The following CFAP43 variants were observed in gnomAD, a reference collection of about 807,000 sequenced individuals.
CFAP43 encodes cilia- and flagella-associated protein 43.
In CFAP43, 155 loss-of-function variants were observed where a neutral mutation model predicts 218.9. That is an observed-to-expected ratio of 0.71 (90% CI 0.62 to 0.81). The LOEUF (loss-of-function observed/expected upper bound fraction) is 0.81. CFAP43 is among the 30% of genes least tolerant of loss of function. CFAP43 has a pLI of 0.00. For synonymous variants in CFAP43, 645 were observed against 681.3 expected, an observed-to-expected ratio of 0.95 and a Z score of 0.83; for missense variants, 1,778 against 1,954.3, an observed-to-expected ratio of 0.91 and a Z score of 1.70.
Position 104,190,006 on chromosome 10 carries a change from C to T in CFAP43, c.1547-1596G>A, listed in dbSNP as rs570433636. On this transcript the variant is annotated intron_variant, in intron 12 of 37. Coordinates refer to ENST00000357060, the MANE Select transcript of CFAP43 (RefSeq NM_025145.7). ...CATGGTGAAACCCCGTTTCTACTAA[C>T]AAATACAAAAAATTAGCCTGGCGCG... is the stretch of plus-strand genomic sequence containing the variant. Among the ~76,000 whole-genome samples, 29 of 151,956 alleles carry T rather than the reference C, an allele frequency of 1.9e-4. No homozygotes were observed. In the South Asian group the frequency reaches 5.6e-3, roughly 29 times the overall value.
In CFAP43 at chr10:104,217,530, G is replaced by A. The variant is rs145379716; in HGVS notation, c.417-3104C>T. On this transcript the variant is annotated intron_variant, in intron 3 of 37. Transcript: ENST00000357060. The stretch of plus-strand genomic sequence containing the variant: ...TCGCATGCTACATAGGACCCACTCC[G>A]GCACCCATGTCTTTGCTAGTAGAGC... 3.0e-3 allele frequency among the ~76,000 whole-genome samples: 454 copies of A among 152,202 alleles called. 1 individual carries two copies. Among genetic ancestry groups the A allele is most frequent in the Non-Finnish European group, 4.4e-3 (302 of 68,010 alleles).
chr10:104,222,065 T>C (rs1361587294), intron 3 of CFAP43, among the ~76,000 whole-genome samples: 1 of 152,242 alleles, frequency 6.6e-6, no homozygotes, highest in Non-Finnish European at 1.5e-5. Flanking sequence ...GAATCCATTC[T>C]GCTCTTTTAA....
At chr10:104,190,037 G>A (rs996454930) in intron 12 of CFAP43, among the ~76,000 whole-genome samples, 7 of 151,672 alleles carry the variant, frequency 4.6e-5, no homozygotes, top group South Asian at 2.1e-4. Context: ...GCGCGGTGGC[G>A]GGCGCCTGTA....
intron 17 of CFAP43, among the ~76,000 whole-genome samples, chr10:104,182,081 C>T (rs1475707897): frequency 6.6e-6 from 1 of 152,166 alleles, no homozygotes; most frequent in African/African-American, 2.4e-5. Context: ...TATAGAGAGA[C>T]CATTTTGACC....
chr10:104,216,603 T>C (rs969592185), intron 3 of CFAP43, among the ~76,000 whole-genome samples: 28 of 152,148 alleles, frequency 1.8e-4, no homozygotes, highest in African/African-American at 6.5e-4. Context: ...CTTCAATCGA[T>C]GGGATACAGG....
At chr10:104,141,410 G>A (rs777547176) in intron 33 of CFAP43, among the ~76,000 whole-genome samples, 2 of 152,154 alleles carry the variant, frequency 1.3e-5, no homozygotes, top group Non-Finnish European at 2.9e-5. Context: ...TCAGGAGTTC[G>A]AGACTAGCCT....
rs576723399 is a variant in CFAP43, at chr10:104,163,798, A to G, written c.3246+296T>C. Among the ~76,000 whole-genome samples the G allele has an allele frequency of 1.7e-4, 26 of 152,354 alleles. No homozygotes were observed. The Middle Eastern group carries it at 0.01, about 60-fold the overall frequency. On this transcript the variant is annotated intron_variant, in intron 24 of 37. Transcript: ENST00000357060. ...AGTAGAAATTGCTAGAGGAAGTAGA[A>G]ATGCAGAGTGATGTGAACTAAGAGA...
chr10:104,137,141 T>C (rs2087490250), intron 34 of CFAP43, among the ~76,000 whole-genome samples: 1 of 152,208 alleles, frequency 6.6e-6, no homozygotes, highest in Non-Finnish European at 1.5e-5. Context: ...CCCAGAGAAC[T>C]GAAAACAGGT....
intron 3 of CFAP43, among the ~76,000 whole-genome samples, chr10:104,219,886 C>G (rs2091129970): frequency 6.6e-6 from 1 of 152,184 alleles, no homozygotes; most frequent in South Asian, 2.1e-4. Flanking sequence ...CTTCTCGTCA[C>G]AAGGCTGATT....
At chr10:104,168,307 T>C (rs914631324) in intron 21 of CFAP43, among the ~76,000 whole-genome samples, 2 of 152,170 alleles carry the variant, frequency 1.3e-5, no homozygotes, top group Non-Finnish European at 2.9e-5. Context: ...AGACAAGACC[T>C]GAGACTTTTG....
intron 20 of CFAP43, among the ~76,000 whole-genome samples, chr10:104,170,505 G>C (rs1352366895): frequency 6.6e-6 from 1 of 152,124 alleles, no homozygotes; most frequent in Admixed American, 6.5e-5. Flanking sequence ...ACATTGCTGA[G>C]TGGTCAAGAT....
At chr10:104,211,902 C>T in intron 5 of CFAP43, 105 bp downstream of exon 5, 2 of 1,303,038 alleles carry the variant, frequency 1.5e-6, no homozygotes, top group Non-Finnish European at 2.1e-6. Context: ...CAAGATGATC[C>T]TCTGTATCCT....
intron 28 of CFAP43, among the ~76,000 whole-genome samples, chr10:104,149,680 T>G (rs1201281760): frequency 2.0e-5 from 3 of 152,238 alleles, no homozygotes; most frequent in African/African-American, 7.2e-5. Flanking sequence ...TCCTGAATTA[T>G]TTTGATATTA....
chr10:104,225,099 C>CTAT (rs773336525), intron 3 of CFAP43, among the ~76,000 whole-genome samples: 115 of 152,222 alleles, frequency 7.6e-4, no homozygotes, highest in Non-Finnish European at 4.4e-4. Flanking sequence ...AAACTGAACT[C>CTAT]TAATATAGAG....
chr10:104,131,546 T>C (rs1371683763), intron 36 of CFAP43, 62 bp from the exon 37 acceptor site: 1 of 1,496,334 alleles, frequency 6.7e-7, no homozygotes, highest in Non-Finnish European at 9.0e-7. Flanking sequence ...ATTTATCCTA[T>C]AAAGACATTA....
intron 8 of CFAP43, among the ~76,000 whole-genome samples, chr10:104,202,252 T>C (rs1435608716): frequency 1.3e-5 from 2 of 152,254 alleles, no homozygotes; most frequent in African/African-American, 4.8e-5. Context: ...AAGTCAGCTA[T>C]TAGTCTAACT....
chr10:104,167,826 A>T (rs2089239334), intron 21 of CFAP43, 89 bp from the exon 22 acceptor site: 4 of 903,426 alleles, frequency 4.4e-6, no homozygotes, highest in Non-Finnish European at 6.7e-6. Context: ...TTCTGTGATT[A>T]AAATTAACCC....
At position 104,168,845 on chromosome 10, in the gene CFAP43, T is replaced by A; in HGVS notation, c.2590A>T (p.Ile864Leu). 1.2e-6 allele frequency: 2 copies of A among 1,608,650 alleles called. No homozygotes were observed. The highest frequency in any genetic ancestry group is 1.7e-6 in the Non-Finnish European group (2 of 1,175,686). ...DESQEEVAKM[I>L]KDVEMHNLAK... ...AAGTTATGCATCTCTACATCCTTTA[T>A]CATCTTGAAGAACACAGACAAAGGG... The change falls in exon 21 of 38, where the codon ATA becomes TTA. Residue 864 changes from isoleucine to leucine, a missense_variant. Transcript: ENST00000357060.
In CFAP43 at chr10:104,185,089, TCATTGACTGAATCC is replaced by T; in HGVS notation, c.2054_2067del (p.Gly685GlufsTer16). On this transcript the variant is annotated frameshift_variant, in exon 16 of 38. Transcript: ENST00000357060. LOFTEE classifies it high-confidence loss of function. ...ATGTTTTGTCCATCCATTGAAATTC[TCATTGACTGAATCC>T]CATGACCCTGGTGAGAATGACTCCG... The T allele has an allele frequency of 6.2e-7, 1 of 1,614,204 alleles. No individual in the cohort carries two copies. Among genetic ancestry groups the T allele is most frequent in the Non-Finnish European group, 8.5e-7 (1 of 1,180,026 alleles).
Sources: allele counts gnomAD v4.1 joint callset (sites outside exome capture counted in the v4.1 genomes callset), GRCh38; gene constraint gnomAD v4.1.1; transcripts MANE v1.5; gene names NCBI Gene and HGNC (gene_info 2026-07-23, HGNC 2026-07-21).